Variants in NPR2 observed in about 807,000 individuals in gnomAD.
NPR2 encodes the protein atrial natriuretic peptide receptor 2.
NPR2 carries 49 observed loss-of-function variants against 120.7 expected under a neutral mutation model. The ratio of observed to expected loss-of-function variants is 0.41; its 90% CI spans 0.32 to 0.52. NPR2 has a LOEUF of 0.52. NPR2 is among the 20% of genes least tolerant of loss of function. NPR2 has a pLI of 0.36. For missense variants in NPR2, 931 were observed against 1,362.9 expected, an observed-to-expected ratio of 0.68 and a Z score of 4.99; for synonymous variants, 484 against 519.8, an observed-to-expected ratio of 0.93 and a Z score of 0.94.
rs975291154 is a variant in NPR2, at chr9:35,796,839, G to A, written c.873+2736G>A. 2.6e-5 allele frequency among the ~76,000 whole-genome samples: 4 copies of A among 152,178 alleles called. No homozygotes were observed. The East Asian group carries it at 7.7e-4, about 29-fold the overall frequency. ...AAGTTGGGCAGTTAGCTACAGCCAAGCAAGGATGAAAGAGCACAGAGCCTT... is the reference window on the plus strand; with the variant it reads ...AAGTTGGGCAGTTAGCTACAGCCAAACAAGGATGAAAGAGCACAGAGCCTT... On this transcript the variant is annotated intron_variant, in intron 2 of 21. Transcript: ENST00000342694.
Position 35,808,337 on chromosome 9 carries a change from C to T in NPR2, c.2713-172C>T. The T allele has an allele frequency of 6.6e-7, 1 of 1,519,766 alleles. No individual in the cohort carries two copies. Among genetic ancestry groups the T allele is most frequent in the Non-Finnish European group, 9.1e-7 (1 of 1,095,490 alleles). The allele number at this position is 1,519,766 out of a possible 1,614,324, so 94.1% of individuals were successfully genotyped here. ...TGGAGAAAGAAGACTTAAAGATTCCCTAGACATCTCCTCTCCCCTAGACTC... is the reference window on the plus strand; with the variant it reads ...TGGAGAAAGAAGACTTAAAGATTCCTTAGACATCTCCTCTCCCCTAGACTC... On this transcript the variant is annotated intron_variant, in intron 18 of 21. Transcript: ENST00000342694. This position sits in a 1 kb window ranked among gnomAD's most constrained non-coding sequence, Gnocchi z 4.0.
At position 35,792,543 on chromosome 9, in the gene NPR2, G is replaced by C. The variant is rs1357734520; in HGVS notation, c.135G>C (p.Val45=). ...GCTATGCCTGGGCCTGGCCACGGGT[G>C]GGACCCGCTGTGGCACTAGCTGTGG... is the stretch of plus-strand genomic sequence containing the variant. ...NLSYAWAWPR[V]GPAVALAVEA... The change falls in exon 1 of 22, where the codon GTG becomes GTC. Residue 45 remains valine (V), a synonymous_variant. Transcript: ENST00000342694. 6.2e-7 allele frequency: 1 copy of C among 1,611,562 alleles called. No homozygotes were observed. The highest frequency in any genetic ancestry group is 8.5e-7 in the Non-Finnish European group (1 of 1,179,940).
chr9:35,793,050 C>T lies in NPR2; in HGVS notation c.642C>T (p.Thr214=). 6.2e-7 allele frequency: 1 copy of T among 1,602,848 alleles called. No homozygotes were observed. Among genetic ancestry groups the T allele is most frequent in the African/African-American group, 1.3e-5 (1 of 74,932 alleles). ...AGCCAGGGGGCCCCGAGCAGGCCAC[C>T]CACTTCATCCGGGCCAACGGGCGCA... ...AREPGGPEQA[T]HFIRANGRIV... Residue 214 remains threonine, a synonymous_variant, in exon 1 of 22, where the codon ACC becomes ACT. Transcript: ENST00000342694.
In NPR2 at chr9:35,806,017, C is replaced by A. The variant is rs752392174; in HGVS notation, c.2203+32C>A. On this transcript the variant is annotated intron_variant, in intron 14 of 21. Transcript: ENST00000342694. The surrounding 1 kb of genome is among the most constrained non-coding windows in gnomAD (Gnocchi z 4.6). ...GTCAATCCACTACCCACAGCCTCTTCTTCCTGGGGGAACTCTGTTCTTCAT... is the reference window on the plus strand; with the variant it reads ...GTCAATCCACTACCCACAGCCTCTTATTCCTGGGGGAACTCTGTTCTTCAT... 1.1e-5 allele frequency: 18 copies of A among 1,614,086 alleles called. No homozygotes were observed. The South Asian group carries it at 1.2e-4, about 11-fold the overall frequency.
rs1352762529 is a variant in NPR2 at position 35,801,122 on chromosome 9, C to G, written c.1404C>G (p.Ile468Met). ...CTCTGGGCACAGGAATCACCTTCATCATGTTTGGTGTTTCCAGCTTCCTAA... is the reference window on the plus strand; with the variant it reads ...CTCTGGGCACAGGAATCACCTTCATGATGTTTGGTGTTTCCAGCTTCCTAA... ...IVALGTGITF[I>M]MFGVSSFLIF... The change falls in exon 7 of 22, where the codon ATC becomes ATG. Residue 468 changes from isoleucine to methionine, a missense_variant. By Grantham distance (10) the Ile-to-Met change is conservative. This residue lies in a region of NPR2 where 681 missense variants were observed against 974.3 expected (regional missense o/e 0.70). Coordinates refer to ENST00000342694, the MANE Select transcript of NPR2 (RefSeq NM_003995.4). The G allele has an allele frequency of 3.1e-6, 5 of 1,614,100 alleles. No homozygotes were observed. Among genetic ancestry groups the G allele is most frequent in the Non-Finnish European group, 4.2e-6 (5 of 1,179,928 alleles).
intron 17 of NPR2, 75 bp from the exon 18 acceptor site, chr9:35,807,255 T>C: frequency 6.7e-7 from 1 of 1,501,324 alleles, no homozygotes; most frequent in South Asian, 1.1e-5. Context: ...CCACATCTTT[T>C]GATGGCTTGT....
rs755718353 is a variant in NPR2 at position 35,794,050 on chromosome 9, T to C, written c.820T>C (p.Trp274Arg). Reference protein sequence around the residue: ...AGPTRATGRPWQDNRTREQAQ... With the variant: ...AGPTRATGRPRQDNRTREQAQ... Reference sequence around the variant, plus strand: ...CCCCACACGTGCTACAGGCCGGCCCTGGCAGGACAATCGCACCCGGGAACA... The same window carrying C: ...CCCCACACGTGCTACAGGCCGGCCCCGGCAGGACAATCGCACCCGGGAACA... Residue 274 changes from tryptophan (W) to arginine (R), a missense_variant, in exon 2 of 22, where the codon TGG becomes CGG. Transcript: ENST00000342694. 2 of 1,614,206 alleles carry C rather than the reference T, an allele frequency of 1.2e-6. No individual in the cohort carries two copies. Among genetic ancestry groups the C allele is most frequent in the African/African-American group, 1.3e-5 (1 of 75,046 alleles).
At position 35,809,419 on chromosome 9, in the gene NPR2, C is replaced by A. The variant is rs755731628; in HGVS notation, c.3118C>A (p.Arg1040=). Residue 1040 remains arginine (R), a synonymous_variant, in exon 22 of 22, where the codon CGG becomes AGG. Transcript: ENST00000342694. The surrounding 1 kb of genome is among the most constrained non-coding windows in gnomAD (Gnocchi z 4.1). Reference sequence around the variant, plus strand: ...GCGAACATACTGGCTCTTAGGAGAGCGGAAAGGACCTCCTGGACTCCTGTA... The same window carrying A: ...GCGAACATACTGGCTCTTAGGAGAGAGGAAAGGACCTCCTGGACTCCTGTA... ...KMRTYWLLGE[R]KGPPGLL The A allele has an allele frequency of 3.1e-6, 5 of 1,614,000 alleles. No individual in the cohort carries two copies. In the African/African-American group the frequency reaches 6.7e-5, roughly 22 times the overall value.
intron 12 of NPR2, among the ~76,000 whole-genome samples, chr9:35,803,383 C>G (rs1204858472): frequency 1.2e-5 from 1 of 82,150 alleles, no homozygotes; most frequent in Non-Finnish European, 2.3e-5. Flanking sequence ...GGATTACAGG[C>G]GTGAGCCACC....
In NPR2 at chr9:35,809,476, C is replaced by G; in HGVS notation, c.*31C>G. Reference sequence around the variant, plus strand: ...CATTCTTTCCAAGTCAGATAGTCTTCTGCTGCTGGTACCTGGGTGGGCAAT... The same window carrying G: ...CATTCTTTCCAAGTCAGATAGTCTTGTGCTGCTGGTACCTGGGTGGGCAAT... On this transcript the variant is annotated 3_prime_UTR_variant, in exon 22 of 22. Transcript: ENST00000342694. The surrounding 1 kb of genome is among the most constrained non-coding windows in gnomAD (Gnocchi z 4.1). 1.2e-6 allele frequency: 2 copies of G among 1,614,164 alleles called. No individual in the cohort carries two copies. The highest frequency in any genetic ancestry group is 1.7e-6 in the Non-Finnish European group (2 of 1,180,022).
In NPR2 at chr9:35,805,887, T is replaced by C. The variant is rs200129431; in HGVS notation, c.2105T>C (p.Met702Thr). 6.2e-7 allele frequency: 1 copy of C among 1,614,120 alleles called. No homozygotes were observed. Among genetic ancestry groups the C allele is most frequent in the African/African-American group, 1.3e-5 (1 of 75,050 alleles). ...LSGNPLPTTG[M>T]QKADVYSFGI... is the part of the protein sequence containing the mutation. Reference sequence around the variant, plus strand: ...GGGAACCCCTTGCCAACCACAGGCATGCAGAAGGCTGACGTCTATAGCTTT... The same window carrying C: ...GGGAACCCCTTGCCAACCACAGGCACGCAGAAGGCTGACGTCTATAGCTTT... Residue 702 changes from methionine to threonine, a missense_variant, in exon 14 of 22, where the codon ATG becomes ACG. Met to Thr is a moderately conservative substitution (Grantham distance 81). This residue lies in a region of NPR2 where 681 missense variants were observed against 974.3 expected (regional missense o/e 0.70). Coordinates refer to ENST00000342694, the MANE Select transcript of NPR2 (RefSeq NM_003995.4). The surrounding 1 kb of genome is among the most constrained non-coding windows in gnomAD (Gnocchi z 4.9).
Position 35,805,372 on chromosome 9 carries a change from C to A in NPR2, c.1888-139C>A, listed in dbSNP as rs1316828104. On this transcript the variant is annotated intron_variant, in intron 12 of 21. Transcript: ENST00000342694. The surrounding 1 kb of genome is among the most constrained non-coding windows in gnomAD (Gnocchi z 4.9). ...TTCCTGCTTCCTTGGGTGGAAACTG[C>A]AAAGGATGCCTTCCAAAATCAGCTT... The A allele has an allele frequency of 4.7e-6, 4 of 851,932 alleles. No individual in the cohort carries two copies. In the Admixed American group the frequency reaches 7.6e-5, roughly 16 times the overall value. 52.8% of individuals were successfully genotyped at this position (851,932 alleles called of 1,614,324 possible). A position where few individuals can be genotyped will look rare whatever the true frequency, so the allele number is the denominator to read the frequency against.
rs1394276331 is a variant in NPR2, at chr9:35,802,938, TG to T, written c.1887+138del. 5.5e-6 allele frequency: 4 copies of T among 726,160 alleles called. No individual in the cohort carries two copies. In the African/African-American group the frequency reaches 6.9e-5, roughly 13 times the overall value. 45.0% of individuals were successfully genotyped at this position (726,160 alleles called of 1,614,324 possible). A position where few individuals can be genotyped will look rare whatever the true frequency, so the allele number is the denominator to read the frequency against. On this transcript the variant is annotated intron_variant, in intron 12 of 21. Transcript: ENST00000342694. The surrounding 1 kb of genome is among the most constrained non-coding windows in gnomAD (Gnocchi z 4.2). The stretch of plus-strand genomic sequence containing the variant: ...CCTTATTCCCATGGTCTGGTAATAA[TG>T]GGTAAACAAGGAGTCTGGGGCTTAT...
rs1235772555 is a variant in NPR2 at position 35,800,070 on chromosome 9, G to C, written c.1036G>C (p.Glu346Gln). The change falls in exon 4 of 22, where the codon GAA (glutamate) becomes CAA (glutamine). Residue 346 changes from glutamate to glutamine, a missense_variant. Transcript: ENST00000342694. This position sits in a 1 kb window ranked among gnomAD's most constrained non-coding sequence, Gnocchi z 4.7. ...CTATGATGGGATCCTGCTATATGCT[G>C]AAGTCCTGAATGAGACAATACAGGA... is the stretch of plus-strand genomic sequence containing the variant. Reference protein sequence around the residue: ...CFYDGILLYAEVLNETIQEGG... With the variant: ...CFYDGILLYAQVLNETIQEGG... 2 of 1,614,038 alleles carry C rather than the reference G, an allele frequency of 1.2e-6. No individual in the cohort carries two copies. Among genetic ancestry groups the C allele is most frequent in the African/African-American group, 2.7e-5 (2 of 74,902 alleles).
chr9:35,808,368 C>G lies in NPR2; in HGVS notation c.2713-141C>G, dbSNP rs1361858625. ...ATCTCCTCTCCCCTAGACTCAGGAC[C>G]ATGGCACTTATTTTCTAGTCAATAT... On this transcript the variant is annotated intron_variant, in intron 18 of 21. Coordinates refer to ENST00000342694, the MANE Select transcript of NPR2 (RefSeq NM_003995.4). This position sits in a 1 kb window ranked among gnomAD's most constrained non-coding sequence, Gnocchi z 4.0. 9.2e-6 allele frequency: 13 copies of G among 1,414,812 alleles called. No homozygotes were observed. The highest frequency in any genetic ancestry group is 4.7e-5 in the South Asian group (4 of 85,910). 87.6% of individuals were successfully genotyped at this position (1,414,812 alleles called of 1,614,324 possible).
In NPR2 at chr9:35,800,784, C is replaced by T. The variant is rs1185438999; in HGVS notation, c.1294C>T (p.Pro432Ser). ...GCCTATTCCCTGGGTGAAGGGGGCT[C>T]CTCCCTCGGACAATCCCCCCTGTGC... The part of the protein sequence containing the change: ...GRPIPWVKGA[P>S]PSDNPPCAFD... Residue 432 changes from proline (P) to serine (S), a missense_variant, in exon 6 of 22, where the codon CCT (proline) becomes TCT (serine). Transcript: ENST00000342694. This position sits in a 1 kb window ranked among gnomAD's most constrained non-coding sequence, Gnocchi z 4.7. 3 of 1,613,978 alleles carry T rather than the reference C, an allele frequency of 1.9e-6. No homozygotes were observed. The Admixed American group carries it at 5.0e-5, about 27-fold the overall frequency.
At chr9:35,797,278 G>A (rs768280913) in intron 2 of NPR2, among the ~76,000 whole-genome samples, 1 of 152,136 alleles carries the variant, frequency 6.6e-6, no homozygotes, top group African/African-American at 2.4e-5. Flanking sequence ...GGGAAGAAAA[G>A]ATTGAGTGGA....
chr9:35,806,296 G>A lies in NPR2; in HGVS notation c.2372+63G>A. ...AGAAGACTCATTAGTCCTAGTGCAT[G>A]AAGTGGGGCAGGTGGGACCAGAGGG... On this transcript the variant is annotated intron_variant, in intron 15 of 21. Coordinates refer to ENST00000342694, the MANE Select transcript of NPR2 (RefSeq NM_003995.4). This position sits in a 1 kb window ranked among gnomAD's most constrained non-coding sequence, Gnocchi z 4.6. The A allele has an allele frequency of 1.9e-6, 3 of 1,610,964 alleles. No individual in the cohort carries two copies. The highest frequency in any genetic ancestry group is 2.5e-6 in the Non-Finnish European group (3 of 1,177,308).
chr9:35,803,351 G>A lies in NPR2; in HGVS notation c.1887+548G>A, dbSNP rs187467049. On this transcript the variant is annotated intron_variant, in intron 12 of 21. Coordinates refer to ENST00000342694, the MANE Select transcript of NPR2 (RefSeq NM_003995.4). Reference sequence around the variant, plus strand: ...GATCTCTTGACCTCGTGATCCGCCCGCCTCGGCCTCCCAAAGTGCTGGGAT... The same window carrying A: ...GATCTCTTGACCTCGTGATCCGCCCACCTCGGCCTCCCAAAGTGCTGGGAT... Among the ~76,000 whole-genome samples, 7 of 82,302 alleles carry A rather than the reference G, an allele frequency of 8.5e-5. 1 individual carries two copies. Among genetic ancestry groups the A allele is most frequent in the African/African-American group, 5.6e-4 (7 of 12,412 alleles). The allele number at this position is 82,302 out of a possible 152,430, so 54.0% of individuals were successfully genotyped here. A position where few individuals can be genotyped will look rare whatever the true frequency, so the allele number is the denominator to read the frequency against.
Sources: gnomAD v4.1 joint callset for allele counts (sites outside exome capture counted in the v4.1 genomes callset) on GRCh38, gnomAD v4.1.1 for gene constraint, gnomAD v4.1.1 regional missense constraint, Gnocchi (gnomAD v3.1) non-coding constraint, MANE v1.5 for transcripts, NCBI Gene and HGNC (gene_info 2026-07-23, HGNC 2026-07-21) for gene names.